CREM: variants seen among roughly 807,000 people sequenced by gnomAD.
CREM encodes the protein cAMP responsive element modulator.
A neutral mutation model predicts 37.3 loss-of-function variants in CREM; 13 were observed. The observed-to-expected ratio is 0.35, with a 90% CI of 0.23 to 0.55. The LOEUF is 0.55. Ranked by LOEUF, CREM falls within the 20% of genes least tolerant of loss-of-function variation. CREM has a pLI of 0.88. For synonymous variants in CREM, 124 were observed against 120.2 expected (o/e 1.03, Z -0.21); for missense variants, 296 against 362.3 (o/e 0.82, Z 1.49).
chr10:35,175,689 G>A, intron 3 of CREM: 1 of 1,614,174 alleles, frequency 6.2e-7, no homozygotes, highest in Non-Finnish European at 8.5e-7. Flanking sequence ...TTCCAGGACA[G>A]TAACCACCTC....
intron 6 of CREM, among the ~76,000 whole-genome samples, chr10:35,196,955 C>T (rs1306813110): frequency 6.9e-6 from 1 of 145,678 alleles, no homozygotes; most frequent in Non-Finnish European, 1.5e-5. Flanking sequence ...CTGCAAGCTC[C>T]GCCTCCCAGG....
intron 3 of CREM, among the ~76,000 whole-genome samples, chr10:35,175,224 G>C (rs2093994677): frequency 6.6e-6 from 1 of 152,156 alleles, no homozygotes; most frequent in Admixed American, 6.5e-5. Context: ...AAGGTGGGCA[G>C]ATCACAAGGT....
intron 3 of CREM, among the ~76,000 whole-genome samples, chr10:35,164,757 A>G (rs964467206): frequency 2.6e-5 from 4 of 152,250 alleles, no homozygotes; most frequent in African/African-American, 9.6e-5. Context: ...GCATTGCTAT[A>G]AAGGAATACC....
chr10:35,130,435 G>A (rs1423962981), intron 1 of CREM, among the ~76,000 whole-genome samples: 1 of 152,016 alleles, frequency 6.6e-6, no homozygotes, highest in Non-Finnish European at 1.5e-5. Flanking sequence ...CAAGAACAAA[G>A]AAGAAAACCT....
chr10:35,207,771 TAA>T (rs58994923), intron 7 of CREM, among the ~76,000 whole-genome samples: 1 of 148,054 alleles, frequency 6.8e-6, no homozygotes, highest in Non-Finnish European at 1.5e-5. Flanking sequence ...GACTCCGTCT[TAA>T]AAAAAAAAAA....
intron 3 of CREM, among the ~76,000 whole-genome samples, chr10:35,160,318 G>T (rs1476933897): frequency 1.3e-5 from 2 of 152,362 alleles, no homozygotes; most frequent in East Asian, 3.8e-4. Flanking sequence ...AGTGGAGCTT[G>T]CAGGACTGGA....
At chr10:35,188,533 A>AT (rs1354616956) in intron 6 of CREM, 145 bp downstream of exon 6, 4 of 583,936 alleles carry the variant, frequency 6.9e-6, no homozygotes, top group Non-Finnish European at 1.1e-5. Context: ...CAGAAGAAAT[A>AT]TTTTAATACA....
chr10:35,153,032 G>A (rs1371894265), intron 3 of CREM, among the ~76,000 whole-genome samples: 2 of 152,114 alleles, frequency 1.3e-5, no homozygotes, highest in Non-Finnish European at 2.9e-5. Context: ...CTGAGCCCAG[G>A]AGTTCAAGAC....
At chr10:35,135,618 A>T (rs966072927) in intron 1 of CREM, 1 of 150,940 alleles carries the variant, frequency 6.6e-6, no homozygotes, top group African/African-American at 2.4e-5. Context: ...AGCTGAGTAC[A>T]GTGGCTCATG....
At position 35,143,230 on chromosome 10, in the gene CREM, A is replaced by G. The variant is rs866534641; in HGVS notation, c.45-5138A>G. ...GTGATCTGCCTGCCTTGGCCTCCCAAAGTGCTGGGATTACAGACGTGAGCC... is the reference window on the plus strand; with the variant it reads ...GTGATCTGCCTGCCTTGGCCTCCCAGAGTGCTGGGATTACAGACGTGAGCC... On this transcript the variant is annotated intron_variant, in intron 2 of 7. Coordinates refer to ENST00000685392, the MANE Select transcript of CREM (RefSeq NM_183011.2). 7.1e-4 allele frequency among the ~76,000 whole-genome samples: 108 copies of G among 151,852 alleles called. 1 individual carries two copies. Among genetic ancestry groups the G allele is most frequent in the African/African-American group, 2.6e-3 (106 of 41,400 alleles).
At chr10:35,209,185 G>A in intron 7 of CREM, 1 of 444,854 alleles carries the variant, frequency 2.2e-6, no homozygotes, top group Non-Finnish European at 3.0e-6. Flanking sequence ...GGGGAAGTGT[G>A]AGGCTTTAGT....
Position 35,136,790 on chromosome 10 carries a change from GTTTT to G in CREM, c.-54-975_-54-972del, listed in dbSNP as rs56403246. Reference sequence around the variant, plus strand: ...CTCTAAAAGAAATTAAGGACTCTCAGTTTTTTTTTTTTTTTTTTTTGGGACTCTG... The same window carrying G: ...CTCTAAAAGAAATTAAGGACTCTCAGTTTTTTTTTTTTTTTTGGGACTCTG... On this transcript the variant is annotated intron_variant, in intron 1 of 7. Coordinates refer to ENST00000685392, the MANE Select transcript of CREM (RefSeq NM_183011.2). Among the ~76,000 whole-genome samples the G allele has an allele frequency of 1.4e-3, 171 of 120,822 alleles. 2 individuals carry two copies. The highest frequency in any genetic ancestry group is 4.5e-3 in the African/African-American group (149 of 33,080). 79.3% of individuals were successfully genotyped at this position (120,822 alleles called of 152,430 possible).
At chr10:35,128,342 T>C (rs1242950949) in intron 1 of CREM, among the ~76,000 whole-genome samples, 1 of 152,174 alleles carries the variant, frequency 6.6e-6, no homozygotes, top group Admixed American at 6.5e-5. Context: ...CGTACGTGAC[T>C]CAGTTTCCTT....
intron 3 of CREM, chr10:35,158,269 A>G (rs2136271652): frequency 6.3e-6 from 1 of 158,320 alleles, no homozygotes; most frequent in Non-Finnish European, 1.4e-5. Flanking sequence ...TAGCGAAAGG[A>G]ATATTGAACC....
chr10:35,139,999 G>C (rs2091207342), intron 2 of CREM, among the ~76,000 whole-genome samples: 1 of 152,146 alleles, frequency 6.6e-6, no homozygotes, highest in Admixed American at 6.5e-5. Context: ...TCCTGTATAG[G>C]AGTTGGGTTT....
intron 1 of CREM, among the ~76,000 whole-genome samples, chr10:35,128,599 C>T (rs892585709): frequency 2.7e-5 from 4 of 149,148 alleles, no homozygotes; most frequent in African/African-American, 1.0e-4. Context: ...GCTCTCAGCT[C>T]ACTGCAAGCT....
rs1333916486 is a variant in CREM at position 35,187,069 on chromosome 10, TATA to T, written c.410-1124_410-1122del. ...ATATATAATTAATATATATAATTAATATAATAATATATATAATATATAATATAT... is the reference window on the plus strand; with the variant it reads ...ATATATAATTAATATATATAATTAATATAATATATATAATATATAATATAT... On this transcript the variant is annotated intron_variant, in intron 5 of 7. Transcript: ENST00000685392. Among the ~76,000 whole-genome samples, 286 of 63,594 alleles carry T rather than the reference TATA, an allele frequency of 4.5e-3. 2 individuals carry two copies. Among genetic ancestry groups the T allele is most frequent in the African/African-American group, 0.011 (179 of 16,654 alleles). The allele number at this position is 63,594 out of a possible 152,430, so 41.7% of individuals were successfully genotyped here. A position where few individuals can be genotyped will look rare whatever the true frequency, so the allele number is the denominator to read the frequency against.
intron 2 of CREM, among the ~76,000 whole-genome samples, chr10:35,141,787 G>A (rs1182487913): frequency 6.6e-6 from 1 of 152,156 alleles, no homozygotes; most frequent in Non-Finnish European, 1.5e-5. Context: ...AGAAAGCTAA[G>A]CAGAGTCCCG....
chr10:35,198,672 GTCTGACGTTGCAT>G lies in CREM; in HGVS notation c.599-8205_599-8193del, dbSNP rs1226570566. ...TAATTTCCTATCTTTTAGACTCTGA[GTCTGACGTTGCAT>G]TCTGACGTTGCATTCTGGCTGGATT... On this transcript the variant is annotated intron_variant, in intron 6 of 7. Transcript: ENST00000685392. Among the ~76,000 whole-genome samples, 15 of 152,202 alleles carry G rather than the reference GTCTGACGTTGCAT, an allele frequency of 9.9e-5. No individual in the cohort carries two copies. In the South Asian group the frequency reaches 1.5e-3, roughly 15 times the overall value.
Sources: allele counts gnomAD v4.1 joint callset (sites outside exome capture counted in the v4.1 genomes callset), GRCh38; gene constraint gnomAD v4.1.1; transcripts MANE v1.5; gene names NCBI Gene and HGNC (gene_info 2026-07-23, HGNC 2026-07-21).